The following ATP1A4 variants were observed in gnomAD, a reference collection of about 807,000 sequenced individuals.
The protein encoded by ATP1A4 is ATPase Na+/K+ transporting subunit alpha 4.
ATP1A4 carries 90 observed loss-of-function variants against 114.3 expected under a neutral mutation model. That is an observed-to-expected ratio of 0.79 (90% CI 0.66 to 0.94). The LOEUF (loss-of-function observed/expected upper bound fraction) is 0.94, where lower values mean the gene tolerates loss of function less well. Ranked by LOEUF, ATP1A4 falls within the 40% of genes least tolerant of loss-of-function variation. ATP1A4 has a pLI of 0.00. For synonymous variants in ATP1A4, 511 were observed against 494.1 expected (o/e 1.03, Z -0.45); for missense variants, 1,222 against 1,313.6 (o/e 0.93, Z 1.08).
intron 13 of ATP1A4, 122 bp downstream of exon 13, chr1:160,173,839 C>G (rs1027417018): frequency 7.8e-7 from 1 of 1,277,022 alleles, no homozygotes; most frequent in African/African-American, 1.5e-5. Flanking sequence ...GTGGGGTTTA[C>G]ACTACAAAGT....
At chr1:160,159,584 T>G in intron 6 of ATP1A4, 58 bp downstream of exon 6, 4 of 1,449,960 alleles carry the variant, frequency 2.8e-6, no homozygotes, top group Non-Finnish European at 3.8e-6. Flanking sequence ...ACATAAAGAT[T>G]TTAATAACTG....
intron 4 of ATP1A4, among the ~76,000 whole-genome samples, chr1:160,158,379 T>C (rs971849798): frequency 6.6e-6 from 1 of 151,762 alleles, no homozygotes; most frequent in Non-Finnish European, 1.5e-5. Context: ...TGAAAGCACT[T>C]TTTTTTTAAT....
rs141465620 is a variant in ATP1A4 at position 160,174,212 on chromosome 1, G to A, written c.2093G>A (p.Arg698Gln). The A allele has an allele frequency of 1.1e-5, 18 of 1,613,968 alleles. No individual in the cohort carries two copies. The highest frequency in any genetic ancestry group is 6.7e-5 in the African/African-American group (5 of 74,876). ...AACCACCCTGAGATCGTGTTTGCTC[G>A]GACCTCCCCTCAGCAGAAGCTCATC... Reference protein sequence around the residue: ...LQNHPEIVFARTSPQQKLIIV... With the variant: ...LQNHPEIVFAQTSPQQKLIIV... The change falls in exon 14 of 22, where the codon CGG (arginine) becomes CAG (glutamine). Residue 698 changes from arginine to glutamine, a missense_variant. Transcript: ENST00000368081.
chr1:160,157,059 C>A (rs915723105), intron 4 of ATP1A4, among the ~76,000 whole-genome samples: 2 of 151,700 alleles, frequency 1.3e-5, no homozygotes, highest in African/African-American at 4.8e-5. Flanking sequence ...CATTGCACTC[C>A]AGCCTGGTGA....
rs751667382 is a variant in ATP1A4 at position 160,181,719 on chromosome 1, C to G, written c.2772C>G (p.Cys924Trp). 1.2e-6 allele frequency: 2 copies of G among 1,614,020 alleles called. No individual in the cohort carries two copies. The highest frequency in any genetic ancestry group is 3.3e-5 in the Admixed American group (2 of 59,996). ...AACGAAAAGTTGTGGAGTTCACATG[C>G]CAAACGGCCTTTTTTGTCACCATCG... The part of the protein sequence containing the change: ...YEQRKVVEFT[C>W]QTAFFVTIVV... Residue 924 changes from cysteine to tryptophan, a missense_variant, in exon 19 of 22, where the codon TGC becomes TGG. Transcript: ENST00000368081.
intron 6 of ATP1A4, among the ~76,000 whole-genome samples, chr1:160,163,458 C>T (rs1398368746): frequency 1.3e-5 from 2 of 152,184 alleles, no homozygotes; most frequent in East Asian, 3.9e-4. Context: ...GATTAATTTG[C>T]TAGGATGGCT....
At chr1:160,174,788 G>A (rs1389973554) in intron 15 of ATP1A4, 41 bp downstream of exon 15, 1 of 1,611,784 alleles carries the variant, frequency 6.2e-7, no homozygotes, top group Admixed American at 1.7e-5. Context: ...TTCAACCCTG[G>A]ACTCAGGTGG....
intron 3 of ATP1A4, among the ~76,000 whole-genome samples, chr1:160,155,715 CT>C (rs1652628391): frequency 6.6e-6 from 1 of 152,130 alleles, no homozygotes; most frequent in South Asian, 2.1e-4. Context: ...CAGTCCCTTT[CT>C]CTTCTCCACA....
At chr1:160,152,274 A>C in intron 1 of ATP1A4, 87 bp downstream of exon 1, 1 of 1,429,906 alleles carries the variant, frequency 7.0e-7, no homozygotes, top group Non-Finnish European at 9.4e-7. Context: ...AGAATGAAAC[A>C]CACAGGCCAG....
At chr1:160,156,753 C>T (rs1450707740) in intron 4 of ATP1A4, among the ~76,000 whole-genome samples, 5 of 152,062 alleles carry the variant, frequency 3.3e-5, no homozygotes, top group South Asian at 2.1e-4. Context: ...CTGCAGTGAA[C>T]TGTGACCAAC....
chr1:160,182,058 G>A, intron 20 of ATP1A4, 27 bp downstream of exon 20: 8 of 1,561,614 alleles, frequency 5.1e-6, no homozygotes, highest in South Asian at 2.2e-5. Context: ...ATGCAAGCAG[G>A]GGATGTGCAG....
intron 20 of ATP1A4, among the ~76,000 whole-genome samples, chr1:160,185,108 CT>C (rs34234271): frequency 0.58 from 82,599 of 141,900 alleles, 23,921 homozygotes; most frequent in East Asian, 0.85. Context: ...TCATCATTGG[CT>C]TTTTTTTTTT....
At chr1:160,171,105 G>A in intron 10 of ATP1A4, 146 bp from the exon 11 acceptor site, 1 of 678,798 alleles carries the variant, frequency 1.5e-6, no homozygotes, top group South Asian at 2.3e-5. Context: ...GTTCAACCTG[G>A]GGCGAGATGT....
At chr1:160,178,380 T>TAC (rs1653563811) in intron 18 of ATP1A4, among the ~76,000 whole-genome samples, 1 of 117,822 alleles carries the variant, frequency 8.5e-6, no homozygotes, top group South Asian at 2.6e-4. Context: ...TAAATAAATA[T>TAC]AAAATTTGAA....
At chr1:160,164,842 A>G (rs1293727471) in intron 7 of ATP1A4, among the ~76,000 whole-genome samples, 8 of 152,218 alleles carry the variant, frequency 5.3e-5, no homozygotes, top group African/African-American at 1.7e-4. Flanking sequence ...TATAAAACCC[A>G]TGGGAGATGA....
chr1:160,174,369 G>C (rs1653378851), intron 14 of ATP1A4, 108 bp downstream of exon 14: 1 of 1,488,358 alleles, frequency 6.7e-7, no homozygotes, highest in South Asian at 1.3e-5. Flanking sequence ...AGACTCCAGA[G>C]AGTACCCCAT....
chr1:160,167,410 C>T lies in ATP1A4; in HGVS notation c.1489C>T (p.Gln497Ter), dbSNP rs760528206. The change falls in exon 10 of 22, where the codon CAG (glutamine) becomes TAG (stop). Residue 497 changes from glutamine to a stop codon, truncating the protein, a stop_gained and splice_region_variant. Coordinates refer to ENST00000368081, the MANE Select transcript of ATP1A4 (RefSeq NM_144699.4). LOFTEE classifies it high-confidence loss of function. ...TCCCTTTAATTCTACCAACAAGTAC[C>T]AGGTACAGAACCCACAAAGGTAGGA... ...EIPFNSTNKY[Q>*]MSIHLREDSS... 51 of 1,612,158 alleles carry T rather than the reference C, an allele frequency of 3.2e-5. 1 individual carries two copies. Among genetic ancestry groups the T allele is most frequent in the African/African-American group, 4.0e-5 (3 of 74,736 alleles).
rs1652638412 is a variant in ATP1A4, at chr1:160,155,997, G to A, written c.412-48G>A. ...TGCAGACTGATTTTCTGAGGATGAA[G>A]AAGACGACAAGGTCCCACTGATAAA... On this transcript the variant is annotated intron_variant, in intron 3 of 21. Coordinates refer to ENST00000368081, the MANE Select transcript of ATP1A4 (RefSeq NM_144699.4). 5 of 1,160,686 alleles carry A rather than the reference G, an allele frequency of 4.3e-6. No individual in the cohort carries two copies. The South Asian group carries it at 6.1e-5, about 14-fold the overall frequency. The allele number at this position is 1,160,686 out of a possible 1,614,324, so 71.9% of individuals were successfully genotyped here.
At chr1:160,176,821 C>T (rs538953440) in intron 17 of ATP1A4, among the ~76,000 whole-genome samples, 1 of 152,296 alleles carries the variant, frequency 6.6e-6, no homozygotes, top group South Asian at 2.1e-4. Flanking sequence ...CTCCAAGTGC[C>T]AAGTAATGAG....
Sources: gnomAD v4.1 joint callset for allele counts (sites outside exome capture counted in the v4.1 genomes callset) on GRCh38, gnomAD v4.1.1 for gene constraint, MANE v1.5 for transcripts, NCBI Gene and HGNC (gene_info 2026-07-23, HGNC 2026-07-21) for gene names.